The following ACO1 variants were observed in gnomAD, a reference collection of about 807,000 sequenced individuals.
ACO1 encodes aconitase 1.
A neutral mutation model predicts 105.1 loss-of-function variants in ACO1; 78 were observed. That is an observed-to-expected ratio of 0.74 (90% CI 0.62 to 0.90). The LOEUF (loss-of-function observed/expected upper bound fraction) is 0.90. ACO1 is among the 40% of genes least tolerant of loss of function. ACO1 has a pLI of 0.00. For synonymous variants in ACO1, 364 were observed against 397.4 expected (o/e 0.92, Z 1.00); for missense variants, 965 against 1,111.1 (o/e 0.87, Z 1.87).
intron 19 of ACO1, among the ~76,000 whole-genome samples, chr9:32,443,723 T>TCTA (rs1822532533): frequency 6.6e-6 from 1 of 152,240 alleles, no homozygotes; most frequent in South Asian, 2.1e-4. Flanking sequence ...GTGATATTTT[T>TCTA]CACTCTGACA....
intron 17 of ACO1, chr9:32,435,976 T>C: frequency 1.7e-6 from 1 of 591,004 alleles, no homozygotes; most frequent in Non-Finnish European, 3.2e-6. Context: ...CATTCTTTTT[T>C]AGACTTCCTT....
chr9:32,393,116 T>A (rs1244851352), intron 1 of ACO1, among the ~76,000 whole-genome samples: 2 of 152,186 alleles, frequency 1.3e-5, no homozygotes. Flanking sequence ...ATAACAGCAA[T>A]GTTCAAGGAA....
chr9:32,400,527 A>T (rs1262809501), intron 1 of ACO1, among the ~76,000 whole-genome samples: 1 of 152,164 alleles, frequency 6.6e-6, no homozygotes, highest in Non-Finnish European at 1.5e-5. Flanking sequence ...TATTGAGGGG[A>T]GCAAAGTGGA....
chr9:32,403,520 G>A (rs1040035242), intron 1 of ACO1, among the ~76,000 whole-genome samples: 2 of 152,200 alleles, frequency 1.3e-5, no homozygotes, highest in African/African-American at 4.8e-5. Flanking sequence ...AACTGACTTT[G>A]TAGGGTGGTG....
chr9:32,422,294 A>C (rs374851266), intron 8 of ACO1, among the ~76,000 whole-genome samples: 3 of 152,216 alleles, frequency 2.0e-5, no homozygotes, highest in African/African-American at 4.8e-5. Context: ...CCTTTCTCAT[A>C]GTAAACCCTA....
chr9:32,408,048 C>T (rs760152573), intron 3 of ACO1, among the ~76,000 whole-genome samples: 7 of 152,030 alleles, frequency 4.6e-5, no homozygotes, highest in Non-Finnish European at 8.8e-5. Context: ...TACTTTTAAG[C>T]GAAAAAGAGA....
intron 3 of ACO1, among the ~76,000 whole-genome samples, chr9:32,407,775 G>A (rs1454718610): frequency 6.6e-6 from 1 of 152,120 alleles, no homozygotes; most frequent in African/African-American, 2.4e-5. Flanking sequence ...TTCCCACATT[G>A]TATTGCCCAG....
In ACO1 at chr9:32,450,492, C is replaced by G; in HGVS notation, c.*381C>G. On this transcript the variant is annotated 3_prime_UTR_variant, in exon 21 of 21. Transcript: ENST00000309951. ...TGTCTCCTACCCTCTTATTGTTCCT[C>G]TTACGCTCTGCTCAATGAAACCTTC... 3.1e-6 allele frequency: 1 copy of G among 319,030 alleles called. No homozygotes were observed. Among genetic ancestry groups the G allele is most frequent in the East Asian group, 8.4e-5 (1 of 11,854 alleles). The allele number at this position is 319,030 out of a possible 1,614,324, so 19.8% of individuals were successfully genotyped here.
At chr9:32,429,560 G>T in intron 13 of ACO1, 57 bp downstream of exon 13, 1 of 1,434,358 alleles carries the variant, frequency 7.0e-7, no homozygotes, top group South Asian at 1.2e-5. Context: ...CATGTAATGT[G>T]ACAAAAATGC....
In ACO1 at chr9:32,452,484, A is replaced by C. The variant is rs1822789557; in HGVS notation, c.*2373A>C. ...GTTCTCACCAGATACTGAATCTGCCAGTGCCTTGAACCTAGACTTTCCAGC... is the reference window on the plus strand; with the variant it reads ...GTTCTCACCAGATACTGAATCTGCCCGTGCCTTGAACCTAGACTTTCCAGC... On this transcript the variant is annotated 3_prime_UTR_variant, in exon 21 of 21. Coordinates refer to ENST00000309951, the MANE Select transcript of ACO1 (RefSeq NM_002197.3). 6.6e-6 allele frequency: 1 copy of C among 152,336 alleles called. No individual in the cohort carries two copies. Among genetic ancestry groups the C allele is most frequent in the Admixed American group, 6.5e-5 (1 of 15,290 alleles). 9.4% of individuals were successfully genotyped at this position (152,336 alleles called of 1,614,324 possible). A position where few individuals can be genotyped will look rare whatever the true frequency, so the allele number is the denominator to read the frequency against.
At chr9:32,407,010 T>C (rs1587522570) in intron 2 of ACO1, among the ~76,000 whole-genome samples, 1 of 152,086 alleles carries the variant, frequency 6.6e-6, no homozygotes, top group Non-Finnish European at 1.5e-5. Flanking sequence ...TCTCGATCTC[T>C]TGACCTCATG....
intron 1 of ACO1, among the ~76,000 whole-genome samples, chr9:32,398,948 T>C (rs190974194): frequency 1.3e-5 from 2 of 152,300 alleles, no homozygotes; most frequent in East Asian, 3.9e-4. Context: ...AATATTTAAA[T>C]TTTAATGTAG....
rs370558444 is a variant in ACO1 at position 32,453,576 on chromosome 9, C to T, written c.*3465C>T. 3.3e-5 allele frequency: 5 copies of T among 152,116 alleles called. No homozygotes were observed. In the East Asian group the frequency reaches 7.7e-4, roughly 23 times the overall value. 9.4% of individuals were successfully genotyped at this position (152,116 alleles called of 1,614,324 possible). A position where few individuals can be genotyped will look rare whatever the true frequency, so the allele number is the denominator to read the frequency against. ...ATGGCCACCAGCAGTTCTGGGGAAACCATTAGTAATTTGTGATCGTAGAGA... is the reference window on the plus strand; with the variant it reads ...ATGGCCACCAGCAGTTCTGGGGAAATCATTAGTAATTTGTGATCGTAGAGA... On this transcript the variant is annotated 3_prime_UTR_variant, in exon 21 of 21. Transcript: ENST00000309951.
chr9:32,404,336 C>T (rs2118394165), intron 1 of ACO1, among the ~76,000 whole-genome samples: 1 of 152,310 alleles, frequency 6.6e-6, no homozygotes, highest in African/African-American at 2.4e-5. Flanking sequence ...TCCCTCCGCC[C>T]CTTTTTTCCA....
chr9:32,433,832 G>C lies in ACO1; in HGVS notation c.1956G>C (p.Leu652=). Residue 652 remains leucine (L), a splice_region_variant and synonymous_variant, in exon 16 of 21, where the codon CTG becomes CTC. Transcript: ENST00000309951. ...AATCACCACCATTCTTTGAAAACCT[G>C]GTATGGCTTTTTATTTTTTAACAAA... is the stretch of plus-strand genomic sequence containing the variant. ...YIKSPPFFEN[L]TLDLQPPKSI... The C allele has an allele frequency of 6.3e-7, 1 of 1,585,876 alleles. No individual in the cohort carries two copies. The highest frequency in any genetic ancestry group is 8.6e-7 in the Non-Finnish European group (1 of 1,167,634).
At chr9:32,441,760 G>A (rs1408051079) in intron 19 of ACO1, among the ~76,000 whole-genome samples, 1 of 152,196 alleles carries the variant, frequency 6.6e-6, no homozygotes, top group Non-Finnish European at 1.5e-5. Context: ...GTTCTCTAGA[G>A]TCCAGACTTT....
At chr9:32,447,981 T>G (rs886370629) in intron 19 of ACO1, among the ~76,000 whole-genome samples, 2 of 152,084 alleles carry the variant, frequency 1.3e-5, no homozygotes, top group Non-Finnish European at 2.9e-5. Flanking sequence ...CAGCCAGAGC[T>G]CTCCTGTATG....
At chr9:32,420,200 T>G (rs1395928434) in intron 7 of ACO1, among the ~76,000 whole-genome samples, 2 of 105,006 alleles carry the variant, frequency 1.9e-5, no homozygotes, top group Non-Finnish European at 5.0e-5. Flanking sequence ...GCTGGTGCCT[T>G]GTGTGGAAAA....
chr9:32,447,739 G>A (rs112050831), intron 19 of ACO1, among the ~76,000 whole-genome samples: 3,423 of 152,234 alleles, frequency 0.022, 45 homozygotes, highest in Non-Finnish European at 0.033. Flanking sequence ...GGTGACCTTC[G>A]GATGGGGTCT....
Sources: gnomAD v4.1 joint callset for allele counts (sites outside exome capture counted in the v4.1 genomes callset) on GRCh38, gnomAD v4.1.1 for gene constraint, MANE v1.5 for transcripts, NCBI Gene and HGNC (gene_info 2026-07-23, HGNC 2026-07-21) for gene names.